Variants in ADAMTS3 observed in about 807,000 individuals in gnomAD.
The protein encoded by ADAMTS3 is ADAM metallopeptidase with thrombospondin type 1 motif 3.
In ADAMTS3, 73 loss-of-function variants were observed where a neutral mutation model predicts 129.0. That is an observed-to-expected ratio of 0.57 (90% CI 0.47 to 0.69). The LOEUF is 0.69. ADAMTS3 is among the 30% of genes least tolerant of loss of function. ADAMTS3 has a pLI of 0.00. For synonymous variants in ADAMTS3, 477 were observed against 510.8 expected (o/e 0.93, Z 0.89); for missense variants, 1,457 against 1,514.5 (o/e 0.96, Z 0.63).
At chr4:72,322,943 T>G (rs932539325) in intron 6 of ADAMTS3, 71 bp downstream of exon 6, 32 of 1,225,566 alleles carry the variant, frequency 2.6e-5, no homozygotes, top group Non-Finnish European at 3.4e-5. Flanking sequence ...TAGATGTAGC[T>G]TGAACAATTT....
chr4:72,483,058 T>G lies in ADAMTS3; in HGVS notation c.504+65420A>C, dbSNP rs139280038. Among the ~76,000 whole-genome samples the G allele has an allele frequency of 1.2e-3, 177 of 152,288 alleles. 1 individual carries two copies. Among genetic ancestry groups the G allele is most frequent in the African/African-American group, 4.0e-3 (165 of 41,568 alleles). On this transcript the variant is annotated intron_variant, in intron 3 of 21. Coordinates refer to ENST00000286657, the MANE Select transcript of ADAMTS3 (RefSeq NM_014243.3). Reference sequence around the variant, plus strand: ...ACAGCTAACGTCCTATCAACCATTATTGACTGAATGCAATTTTCCTAAGAT... The same window carrying G: ...ACAGCTAACGTCCTATCAACCATTAGTGACTGAATGCAATTTTCCTAAGAT...
chr4:72,312,442 A>C lies in ADAMTS3; in HGVS notation c.1770T>G (p.Cys590Trp), dbSNP rs775029148. 2 of 1,613,512 alleles carry C rather than the reference A, an allele frequency of 1.2e-6. No homozygotes were observed. Among genetic ancestry groups the C allele is most frequent in the Admixed American group, 3.3e-5 (2 of 59,936 alleles). Reference protein sequence around the residue: ...NPMPINGGQDCPGVNFEYQLC... With the variant: ...NPMPINGGQDWPGVNFEYQLC... ...GCTGGTACTCAAAATTAACACCAGG[A>C]CAATCCTGACCACCATTGATGGGCC... The change falls in exon 13 of 22, where the codon TGT becomes TGG. Residue 590 changes from cysteine (C) to tryptophan (W), a missense_variant. Physicochemically the swap from Cys to Trp is radical, Grantham distance 215 (BLOSUM62 -2). Transcript: ENST00000286657.
chr4:72,457,694 T>C (rs940712981), intron 3 of ADAMTS3, among the ~76,000 whole-genome samples: 1 of 151,674 alleles, frequency 6.6e-6, no homozygotes, highest in African/African-American at 2.4e-5. Flanking sequence ...AGCTAACCAG[T>C]GGCAGGTCTA....
At chr4:72,439,393 TTC>T (rs1483459431) in intron 3 of ADAMTS3, among the ~76,000 whole-genome samples, 5 of 151,710 alleles carry the variant, frequency 3.3e-5, no homozygotes, top group African/African-American at 1.2e-4. Context: ...GCCACATGTT[TTC>T]CCTCCAACAC....
intron 3 of ADAMTS3, among the ~76,000 whole-genome samples, chr4:72,545,153 A>C (rs987870631): frequency 6.6e-6 from 1 of 152,146 alleles, no homozygotes; most frequent in Non-Finnish European, 1.5e-5. Flanking sequence ...GTATAAAATA[A>C]TTAGTCACAA....
At chr4:72,552,101 T>A (rs1487696253) in intron 2 of ADAMTS3, among the ~76,000 whole-genome samples, 2 of 152,196 alleles carry the variant, frequency 1.3e-5, no homozygotes, top group Non-Finnish European at 2.9e-5. Context: ...ATATCCAACG[T>A]TAATTTACTG....
At position 72,373,012 on chromosome 4, in the gene ADAMTS3, C is replaced by T. The variant is rs1192006085; in HGVS notation, c.662-33319G>A. On this transcript the variant is annotated intron_variant, in intron 4 of 21. Coordinates refer to ENST00000286657, the MANE Select transcript of ADAMTS3 (RefSeq NM_014243.3). ...ACTCATTATTATAAAGATGCTAATTCTCCTCAATTTTAATTTTATTTATAG... is the reference window on the plus strand; with the variant it reads ...ACTCATTATTATAAAGATGCTAATTTTCCTCAATTTTAATTTTATTTATAG... Among the ~76,000 whole-genome samples the T allele has an allele frequency of 2.0e-5, 3 of 152,132 alleles. No individual in the cohort carries two copies. The East Asian group carries it at 5.8e-4, about 29-fold the overall frequency.
chr4:72,312,516 T>G, intron 12 of ADAMTS3, 50 bp from the exon 13 acceptor site: 1 of 1,585,502 alleles, frequency 6.3e-7, no homozygotes, highest in Admixed American at 1.7e-5. Context: ...TGTCTAGCAG[T>G]TGAAGCTTGC....
chr4:72,466,518 C>G (rs1045825642), intron 3 of ADAMTS3, among the ~76,000 whole-genome samples: 3 of 152,032 alleles, frequency 2.0e-5, no homozygotes, highest in African/African-American at 4.8e-5. Flanking sequence ...TATACATATT[C>G]TGAAGGCGGA....
chr4:72,287,502 A>G (rs935706947), intron 21 of ADAMTS3, among the ~76,000 whole-genome samples: 29 of 151,174 alleles, frequency 1.9e-4, no homozygotes, highest in African/African-American at 6.6e-4. Context: ...GGAACAAGGA[A>G]AGAGGGGAAA....
rs186016181 is a variant in ADAMTS3 at position 72,413,639 on chromosome 4, T to A, written c.661+1176A>T. 2.6e-5 allele frequency among the ~76,000 whole-genome samples: 4 copies of A among 152,092 alleles called. No homozygotes were observed. The East Asian group carries it at 7.7e-4, about 29-fold the overall frequency. On this transcript the variant is annotated intron_variant, in intron 4 of 21. Coordinates refer to ENST00000286657, the MANE Select transcript of ADAMTS3 (RefSeq NM_014243.3). ...CTACCTTCAGCAATTTGCATATACA[T>A]CTAATATTATTACAACTGTGCAATA...
intron 18 of ADAMTS3, 44 bp from the exon 19 acceptor site, chr4:72,295,830 T>C (rs755715397): frequency 6.3e-7 from 1 of 1,589,746 alleles, no homozygotes; most frequent in Non-Finnish European, 8.6e-7. Flanking sequence ...CACTTCTTCA[T>C]GCTGATAGTT....
intron 4 of ADAMTS3, among the ~76,000 whole-genome samples, chr4:72,390,063 A>C (rs1324162763): frequency 1.3e-5 from 2 of 152,160 alleles, no homozygotes; most frequent in African/African-American, 4.8e-5. Flanking sequence ...TACAAATGAG[A>C]GAAAATCTAT....
intron 3 of ADAMTS3, among the ~76,000 whole-genome samples, chr4:72,481,169 C>G (rs546976107): frequency 1.3e-5 from 2 of 152,198 alleles, no homozygotes; most frequent in Admixed American, 1.3e-4. Context: ...TATCAAAACT[C>G]AAGCAATATT....
At chr4:72,379,503 C>G (rs1489072607) in intron 4 of ADAMTS3, among the ~76,000 whole-genome samples, 1 of 149,732 alleles carries the variant, frequency 6.7e-6, no homozygotes, top group Non-Finnish European at 1.5e-5. Flanking sequence ...TCACCAAAAT[C>G]TCTTCTGGCA....
Position 72,411,084 on chromosome 4 carries a change from G to T in ADAMTS3, c.661+3731C>A, listed in dbSNP as rs565285238. The stretch of plus-strand genomic sequence containing the variant: ...TTCTAAAGCAGAGCACTGCATTTTT[G>T]ACTTAAAAAAACATATTTTTAAACA... On this transcript the variant is annotated intron_variant, in intron 4 of 21. Transcript: ENST00000286657. 2.1e-4 allele frequency among the ~76,000 whole-genome samples: 32 copies of T among 151,992 alleles called. 1 individual carries two copies. The South Asian group carries it at 6.4e-3, about 31-fold the overall frequency.
chr4:72,468,162 A>G (rs920391586), intron 3 of ADAMTS3, among the ~76,000 whole-genome samples: 10 of 152,138 alleles, frequency 6.6e-5, no homozygotes, highest in African/African-American at 2.4e-4. Context: ...AGTGAAATGA[A>G]AAACTATTTT....
Position 72,289,050 on chromosome 4 carries a change from T to A in ADAMTS3, c.2932-182A>T, listed in dbSNP as rs544249371. Among the ~76,000 whole-genome samples, 3 of 152,204 alleles carry A rather than the reference T, an allele frequency of 2.0e-5. No homozygotes were observed. In the East Asian group the frequency reaches 5.8e-4, roughly 29 times the overall value. On this transcript the variant is annotated intron_variant, in intron 20 of 21. Coordinates refer to ENST00000286657, the MANE Select transcript of ADAMTS3 (RefSeq NM_014243.3). ...AAGACAGATACTACTGAGTTTATAT[T>A]CTGACTCCATTATTTACCAGCCTGG...
intron 3 of ADAMTS3, among the ~76,000 whole-genome samples, chr4:72,477,368 G>C (rs1031203605): frequency 2.8e-4 from 43 of 152,070 alleles, no homozygotes; most frequent in Admixed American, 5.9e-4. Flanking sequence ...AATCAAACTA[G>C]AACTCAGGAT....
Sources: allele counts gnomAD v4.1 joint callset (sites outside exome capture counted in the v4.1 genomes callset), GRCh38; gene constraint gnomAD v4.1.1; transcripts MANE v1.5; gene names NCBI Gene and HGNC (gene_info 2026-07-23, HGNC 2026-07-21).